SRGAP1: variants seen among roughly 807,000 people sequenced by gnomAD.
SRGAP1 encodes SLIT-ROBO Rho GTPase activating protein 1.
Under a neutral mutation model 121.9 loss-of-function variants are expected in SRGAP1, and 43 were observed. The observed-to-expected ratio is 0.35, with a 90% confidence interval of 0.28 to 0.46. SRGAP1 has a LOEUF of 0.46. SRGAP1 is among the 20% of genes least tolerant of loss of function. The probability of loss-of-function intolerance (pLI) is 1.00; values close to 1 mark genes in which losing one functional copy is unlikely to be tolerated. For missense variants in SRGAP1, 1,102 were observed against 1,350.9 expected, an observed-to-expected ratio of 0.82 and a Z score of 2.89; for synonymous variants, 447 against 485.4, an observed-to-expected ratio of 0.92 and a Z score of 1.04.
In SRGAP1 at chr12:64,143,770, C is replaced by A. The variant is rs545878094; in HGVS notation, c.*1098C>A. 2.6e-5 allele frequency: 4 copies of A among 151,900 alleles called. No individual in the cohort carries two copies. The highest frequency in any genetic ancestry group is 9.7e-5 in the African/African-American group (4 of 41,334). 9.4% of individuals were successfully genotyped at this position (151,900 alleles called of 1,614,324 possible). On this transcript the variant is annotated 3_prime_UTR_variant, in exon 22 of 22. Transcript: ENST00000355086. ...CCAGCCTGGGCAGCATAGTGTGAGA[C>A]CCTGTCTCTTAAAAAAAAAAAAAAT...
At chr12:63,947,776 C>A (rs557710722) in intron 1 of SRGAP1, among the ~76,000 whole-genome samples, 1 of 152,234 alleles carries the variant, frequency 6.6e-6, no homozygotes, top group South Asian at 2.1e-4. Flanking sequence ...TTAATATTTT[C>A]CCATTTGTTT....
At chr12:63,897,930 C>G (rs921198368) in intron 1 of SRGAP1, among the ~76,000 whole-genome samples, 2 of 152,140 alleles carry the variant, frequency 1.3e-5, no homozygotes, top group Non-Finnish European at 2.9e-5. Context: ...AAGACTCACT[C>G]ACCTGAAGCT....
At chr12:63,916,748 C>A (rs1444617610) in intron 1 of SRGAP1, among the ~76,000 whole-genome samples, 1 of 152,104 alleles carries the variant, frequency 6.6e-6, no homozygotes, top group East Asian at 1.9e-4. Context: ...ATATAAAAGT[C>A]ATGAGATTTA....
At chr12:63,919,300 C>T (rs1240232607) in intron 1 of SRGAP1, among the ~76,000 whole-genome samples, 1 of 152,018 alleles carries the variant, frequency 6.6e-6, no homozygotes, top group Non-Finnish European at 1.5e-5. Context: ...TCAAGTGATC[C>T]ACCTGCCTTG....
At chr12:63,888,694 G>T (rs543568526) in intron 1 of SRGAP1, 19 of 152,304 alleles carry the variant, frequency 1.2e-4, no homozygotes, top group African/African-American at 4.1e-4. Context: ...TAAGGGAATT[G>T]TTAACACACC....
intron 1 of SRGAP1, among the ~76,000 whole-genome samples, chr12:63,947,037 C>T (rs1231443958): frequency 2.6e-5 from 4 of 151,986 alleles, no homozygotes; most frequent in Non-Finnish European, 4.4e-5. Context: ...TTTCCATTGA[C>T]TTAGTTGATG....
intron 1 of SRGAP1, chr12:63,878,942 A>C (rs1237715054): frequency 6.6e-6 from 1 of 152,220 alleles, no homozygotes; most frequent in Non-Finnish European, 1.5e-5. Flanking sequence ...TAGTTCTTTC[A>C]ATCTTGAATG....
At position 64,153,663 on chromosome 12, in the gene SRGAP1, T is replaced by C. The variant is rs1055475544; in HGVS notation, c.*10991T>C. 6.6e-6 allele frequency: 1 copy of C among 152,020 alleles called. No individual in the cohort carries two copies. The highest frequency in any genetic ancestry group is 1.5e-5 in the Non-Finnish European group (1 of 68,004). 9.4% of individuals were successfully genotyped at this position (152,020 alleles called of 1,614,324 possible). A position where few individuals can be genotyped will look rare whatever the true frequency, so the allele number is the denominator to read the frequency against. ...ATCAAACTCCAGAAAATAACAAGTA[T>C]TGGCCAGGGTGTAGAGAAACTGACA... On this transcript the variant is annotated 3_prime_UTR_variant, in exon 22 of 22. Transcript: ENST00000355086.
intron 8 of SRGAP1, among the ~76,000 whole-genome samples, chr12:64,069,009 CAAA>C (rs59679383): frequency 7.1e-6 from 1 of 141,192 alleles, no homozygotes; most frequent in Non-Finnish European, 1.5e-5. Flanking sequence ...GACTCTGTCT[CAAA>C]AAAAAAAAAA....
At chr12:63,951,926 G>T (rs191529313) in intron 1 of SRGAP1, among the ~76,000 whole-genome samples, 10 of 152,008 alleles carry the variant, frequency 6.6e-5, no homozygotes, top group African/African-American at 2.2e-4. Context: ...ATCCAGTTTT[G>T]GGTTTGTGTG....
intron 8 of SRGAP1, among the ~76,000 whole-genome samples, chr12:64,075,205 C>T (rs187147403): frequency 7.2e-4 from 110 of 152,254 alleles, no homozygotes; most frequent in Admixed American, 1.4e-3. Context: ...TATAGATATT[C>T]GATTAACTAA....
At chr12:64,104,574 C>T (rs2036309500) in intron 15 of SRGAP1, among the ~76,000 whole-genome samples, 1 of 152,230 alleles carries the variant, frequency 6.6e-6, no homozygotes, top group Non-Finnish European at 1.5e-5. Flanking sequence ...GGACTCAGGA[C>T]AGTAAATGAG....
At chr12:64,103,088 T>C (rs2036284804) in intron 15 of SRGAP1, among the ~76,000 whole-genome samples, 1 of 152,042 alleles carries the variant, frequency 6.6e-6, no homozygotes, top group Admixed American at 6.6e-5. Context: ...AAAGTGATCC[T>C]CCCCCCTCAG....
Position 64,157,773 on chromosome 12 carries a change from A to ATT in SRGAP1, c.*15102_*15103insTT, listed in dbSNP as rs1362191043. 6.6e-6 allele frequency: 1 copy of ATT among 151,352 alleles called. No homozygotes were observed. The highest frequency in any genetic ancestry group is 1.5e-5 in the Non-Finnish European group (1 of 67,816). 9.4% of individuals were successfully genotyped at this position (151,352 alleles called of 1,614,324 possible). A position where few individuals can be genotyped will look rare whatever the true frequency, so the allele number is the denominator to read the frequency against. ...TGTTAGCTGTGTGATTTCACAAGAG[A>ATT]TAACTGATGCTAGCTGCTGTAACAA... On this transcript the variant is annotated 3_prime_UTR_variant, in exon 22 of 22. Transcript: ENST00000355086.
intron 21 of SRGAP1, among the ~76,000 whole-genome samples, chr12:64,135,413 A>G (rs1259466591): frequency 6.6e-6 from 1 of 152,166 alleles, no homozygotes; most frequent in Non-Finnish European, 1.5e-5. Context: ...TTTGAGGTTC[A>G]GTATCTGCTT....
At chr12:64,024,929 T>G (rs1286251830) in intron 4 of SRGAP1, among the ~76,000 whole-genome samples, 1 of 152,038 alleles carries the variant, frequency 6.6e-6, no homozygotes, top group East Asian at 1.9e-4. Flanking sequence ...TCTTGACACG[T>G]GGGGATTACT....
chr12:63,874,503 G>A (rs1476931613), intron 1 of SRGAP1, among the ~76,000 whole-genome samples: 4 of 151,990 alleles, frequency 2.6e-5, no homozygotes, highest in Non-Finnish European at 4.4e-5. Flanking sequence ...ACGCCCGGCC[G>A]AAAGTGTGAC....
At chr12:63,974,034 A>G (rs377182973) in intron 1 of SRGAP1, among the ~76,000 whole-genome samples, 11 of 152,204 alleles carry the variant, frequency 7.2e-5, no homozygotes, top group Non-Finnish European at 1.6e-4. Flanking sequence ...GTAAAAATCA[A>G]TCTACTAATA....
intron 1 of SRGAP1, among the ~76,000 whole-genome samples, chr12:63,873,422 A>G (rs531636312): frequency 1.3e-5 from 2 of 151,892 alleles, no homozygotes; most frequent in African/African-American, 4.8e-5. Flanking sequence ...AATCCCAGCT[A>G]CTTAGGAGGC....
Sources: gnomAD v4.1 joint callset for allele counts (sites outside exome capture counted in the v4.1 genomes callset) on GRCh38, gnomAD v4.1.1 for gene constraint, MANE v1.5 for transcripts, NCBI Gene and HGNC (gene_info 2026-07-23, HGNC 2026-07-21) for gene names.